CACNB4: variants seen among roughly 807,000 people sequenced by gnomAD.
The protein encoded by CACNB4 is calcium voltage-gated channel auxiliary subunit beta 4, also known as voltage-dependent L-type calcium channel subunit beta-4.
A neutral mutation model predicts 71.2 loss-of-function variants in CACNB4; 32 were observed. The ratio of observed to expected loss-of-function variants is 0.45; its 90% confidence interval spans 0.34 to 0.60. The LOEUF (loss-of-function observed/expected upper bound fraction) is 0.60. Among genes scored for constraint, CACNB4 ranks in the 20% least tolerant of loss-of-function variants. The pLI is 0.01. For synonymous variants in CACNB4, 231 were observed against 236.9 expected (o/e 0.97, Z 0.23); for missense variants, 464 against 647.9 (o/e 0.72, Z 3.08).
At chr2:151,942,526 C>T (rs369686975) in intron 2 of CACNB4, among the ~76,000 whole-genome samples, 3 of 148,770 alleles carry the variant, frequency 2.0e-5, no homozygotes, top group South Asian at 4.2e-4. Context: ...TTTTAGGGAA[C>T]GAAGGAAGAC....
intron 2 of CACNB4, among the ~76,000 whole-genome samples, chr2:152,021,208 C>G (rs114156204): frequency 6.6e-6 from 1 of 152,276 alleles, no homozygotes; most frequent in African/African-American, 2.4e-5. Context: ...GATTGCATCA[C>G]TGCGCTCCAG....
chr2:152,015,863 C>A (rs1210376333), intron 2 of CACNB4, among the ~76,000 whole-genome samples: 1 of 152,210 alleles, frequency 6.6e-6, no homozygotes, highest in Non-Finnish European at 1.5e-5. Context: ...CTTGGAACTG[C>A]CCACCCAGTT....
At chr2:152,049,737 A>C (rs892690572) in intron 2 of CACNB4, among the ~76,000 whole-genome samples, 1 of 152,238 alleles carries the variant, frequency 6.6e-6, no homozygotes, top group Non-Finnish European at 1.5e-5. Flanking sequence ...CTAAAGCATG[A>C]ATCTTCCACA....
chr2:151,942,851 C>T (rs1201168369), intron 2 of CACNB4, among the ~76,000 whole-genome samples: 2 of 152,162 alleles, frequency 1.3e-5, no homozygotes, highest in African/African-American at 4.8e-5. Flanking sequence ...CGGTTCTCTG[C>T]TCTCGAACCC....
At chr2:152,090,600 G>A (rs1325838245) in intron 2 of CACNB4, among the ~76,000 whole-genome samples, 1 of 149,738 alleles carries the variant, frequency 6.7e-6, no homozygotes, top group African/African-American at 2.5e-5. Flanking sequence ...CCAAGATCGC[G>A]CCACTGCACT....
At chr2:151,963,514 C>T (rs573255879) in intron 2 of CACNB4, among the ~76,000 whole-genome samples, 8 of 152,196 alleles carry the variant, frequency 5.3e-5, no homozygotes, top group Non-Finnish European at 1.2e-4. Context: ...TAAATAAATT[C>T]TTCCTATAGA....
At chr2:151,864,134 C>G (rs1220290479) in intron 9 of CACNB4, among the ~76,000 whole-genome samples, 1 of 152,138 alleles carries the variant, frequency 6.6e-6, no homozygotes, top group Non-Finnish European at 1.5e-5. Context: ...GCTAGTCCCC[C>G]TAGTTTCAGC....
At chr2:151,974,209 TAATTA>T (rs1210900784) in intron 2 of CACNB4, among the ~76,000 whole-genome samples, 12 of 152,364 alleles carry the variant, frequency 7.9e-5, no homozygotes, top group Middle Eastern at 3.4e-3. Context: ...CTCATCTTCT[TAATTA>T]AATTCACAAT....
At chr2:152,020,742 T>C (rs1046343196) in intron 2 of CACNB4, among the ~76,000 whole-genome samples, 2 of 152,052 alleles carry the variant, frequency 1.3e-5, no homozygotes, top group African/African-American at 4.8e-5. Context: ...GGGGTTAGAA[T>C]TGAGAGCACA....
At chr2:151,885,223 C>G (rs1468825956) in intron 2 of CACNB4, among the ~76,000 whole-genome samples, 1 of 152,226 alleles carries the variant, frequency 6.6e-6, no homozygotes, top group East Asian at 1.9e-4. Context: ...CTGGACCACT[C>G]TGAGACAGTC....
intron 2 of CACNB4, among the ~76,000 whole-genome samples, chr2:152,087,396 C>T (rs1049353537): frequency 6.8e-6 from 1 of 146,524 alleles, no homozygotes; most frequent in Non-Finnish European, 1.5e-5. Flanking sequence ...TGTGCAACTG[C>T]ACTCCAGCCT....
At chr2:152,062,675 T>A (rs897124859) in intron 2 of CACNB4, among the ~76,000 whole-genome samples, 1 of 152,126 alleles carries the variant, frequency 6.6e-6, no homozygotes, top group African/African-American at 2.4e-5. Flanking sequence ...TCCACCAGCT[T>A]TGGAGCAGCT....
intron 2 of CACNB4, among the ~76,000 whole-genome samples, chr2:152,062,403 TC>T (rs1686070603): frequency 6.6e-6 from 1 of 152,214 alleles, no homozygotes; most frequent in Non-Finnish European, 1.5e-5. Flanking sequence ...TCATTTTATT[TC>T]ATTTTTGATC....
At chr2:152,040,239 C>T (rs1016709429) in intron 2 of CACNB4, among the ~76,000 whole-genome samples, 4 of 152,140 alleles carry the variant, frequency 2.6e-5, no homozygotes, top group African/African-American at 9.7e-5. Flanking sequence ...ATTCTCCTAT[C>T]TCACAGTATT....
intron 2 of CACNB4, among the ~76,000 whole-genome samples, chr2:152,028,459 G>A (rs1334533231): frequency 6.6e-6 from 1 of 152,192 alleles, no homozygotes; most frequent in African/African-American, 2.4e-5. Flanking sequence ...ACTGTAGCCT[G>A]TGGACAAATC....
intron 2 of CACNB4, among the ~76,000 whole-genome samples, chr2:152,086,307 A>G (rs1687659632): frequency 6.6e-6 from 1 of 152,252 alleles, no homozygotes; most frequent in Non-Finnish European, 1.5e-5. Context: ...AGTCCTCAAC[A>G]AAGAAACAGA....
At chr2:152,002,678 C>A (rs180854486) in intron 2 of CACNB4, among the ~76,000 whole-genome samples, 213 of 152,284 alleles carry the variant, frequency 1.4e-3, no homozygotes, top group Non-Finnish European at 4.7e-4. Context: ...CACAGAGTTG[C>A]TGTAAGAATT....
chr2:151,880,585 A>C, intron 4 of CACNB4: 1 of 558,460 alleles, frequency 1.8e-6, no homozygotes, highest in Non-Finnish European at 3.1e-6. Flanking sequence ...TTTAAGGTTG[A>C]CTGTGATTTA....
At chr2:152,068,182 G>C (rs975134489) in intron 2 of CACNB4, among the ~76,000 whole-genome samples, 1 of 152,130 alleles carries the variant, frequency 6.6e-6, no homozygotes, top group African/African-American at 2.4e-5. Context: ...GGGCATCTGG[G>C]CAGACATCTG....
Sources: allele counts gnomAD v4.1 joint callset (sites outside exome capture counted in the v4.1 genomes callset), GRCh38; gene constraint gnomAD v4.1.1; transcripts MANE v1.5; gene names NCBI Gene and HGNC (gene_info 2026-07-23, HGNC 2026-07-21).